Variants in MAP3K9 observed in about 807,000 individuals in gnomAD.
MAP3K9 encodes mixed lineage kinase 1 (tyr and ser/thr specificity).
Under a neutral mutation model 95.8 loss-of-function variants are expected in MAP3K9, and 46 were observed. The ratio of observed to expected loss-of-function variants is 0.48; its 90% CI spans 0.38 to 0.61. MAP3K9 has a LOEUF of 0.61. Among genes scored for constraint, MAP3K9 ranks in the 20% least tolerant of loss-of-function variants. The pLI is 0.00. For synonymous variants in MAP3K9, 533 were observed against 593.8 expected, an observed-to-expected ratio of 0.90 and a Z score of 1.49; for missense variants, 1,296 against 1,474.3, an observed-to-expected ratio of 0.88 and a Z score of 1.98.
chr14:70,722,962 G>A lies in MAP3K9; in HGVS notation c.*7418C>T, dbSNP rs2053773190. On this transcript the variant is annotated 3_prime_UTR_variant, in exon 12 of 12. Coordinates refer to ENST00000554752, the MANE Select transcript of MAP3K9 (RefSeq NM_001284230.2). ...AAAATCCCAAAGAAAGCTTTTCTGT[G>A]AACTAAGTAAAACCCATCTCCAATT... 1 of 152,112 alleles carries A rather than the reference G, an allele frequency of 6.6e-6. No individual in the cohort carries two copies. Among genetic ancestry groups the A allele is most frequent in the Non-Finnish European group, 1.5e-5 (1 of 68,034 alleles). 9.4% of individuals were successfully genotyped at this position (152,112 alleles called of 1,614,324 possible). A position where few individuals can be genotyped will look rare whatever the true frequency, so the allele number is the denominator to read the frequency against.
chr14:70,770,353 T>A (rs1442738820), intron 2 of MAP3K9, among the ~76,000 whole-genome samples: 2 of 152,142 alleles, frequency 1.3e-5, no homozygotes, highest in Non-Finnish European at 2.9e-5. Context: ...GATACTTTTT[T>A]TTTTATTTTT....
At chr14:70,773,148 A>G (rs541645702) in intron 2 of MAP3K9, among the ~76,000 whole-genome samples, 1 of 152,294 alleles carries the variant, frequency 6.6e-6, no homozygotes, top group Admixed American at 6.5e-5. Flanking sequence ...ACTGATCTCA[A>G]TGCTGCAACT....
rs148889344 is a variant in MAP3K9, at chr14:70,759,544, T to C, written c.1001+1458A>G. Reference sequence around the variant, plus strand: ...TATATCTATGTCCCAATACCCAGAATCCTTATTTGAGTCATTATCTTCACT... The same window carrying C: ...TATATCTATGTCCCAATACCCAGAACCCTTATTTGAGTCATTATCTTCACT... On this transcript the variant is annotated intron_variant, in intron 3 of 11. Transcript: ENST00000554752. Among the ~76,000 whole-genome samples, 35 of 152,294 alleles carry C rather than the reference T, an allele frequency of 2.3e-4. No homozygotes were observed. In the East Asian group the frequency reaches 6.8e-3, roughly 29 times the overall value.
At chr14:70,765,304 T>G in intron 2 of MAP3K9, 1 of 389,850 alleles carries the variant, frequency 2.6e-6, no homozygotes, top group Non-Finnish European at 4.6e-6. Context: ...CACTCCAGCC[T>G]GGGTGACAGA....
intron 1 of MAP3K9, among the ~76,000 whole-genome samples, chr14:70,802,994 G>A (rs546974027): frequency 2.6e-5 from 4 of 152,176 alleles, no homozygotes; most frequent in Admixed American, 2.0e-4. Context: ...CCCATGAATG[G>A]CTTGGCACCC....
chr14:70,772,326 C>T lies in MAP3K9; in HGVS notation c.821-11144G>A, dbSNP rs921180000. ...TCCTTGGGGACTTAGGAGTCACTCC[C>T]TTTTGGTATAAAAGAGGAAACCAAA... On this transcript the variant is annotated intron_variant, in intron 2 of 11. Coordinates refer to ENST00000554752, the MANE Select transcript of MAP3K9 (RefSeq NM_001284230.2). Among the ~76,000 whole-genome samples, 8 of 152,258 alleles carry T rather than the reference C, an allele frequency of 5.3e-5. No homozygotes were observed. In the East Asian group the frequency reaches 1.2e-3, roughly 22 times the overall value.
intron 11 of MAP3K9, 61 bp from the exon 12 acceptor site, chr14:70,730,925 C>G: frequency 1.3e-6 from 2 of 1,501,002 alleles, no homozygotes; most frequent in Non-Finnish European, 1.8e-6. Flanking sequence ...GGTTAGATAT[C>G]CGCTACTCCC....
chr14:70,742,542 TTCTGCTGCAGTGCAGCCC>T lies in MAP3K9; in HGVS notation c.1358_1375del (p.Arg453_Lys459delinsGln). The T allele has an allele frequency of 6.2e-7, 1 of 1,614,234 alleles. No individual in the cohort carries two copies. Among genetic ancestry groups the T allele is most frequent in the South Asian group, 1.1e-5 (1 of 91,090 alleles). On this transcript the variant is annotated inframe_deletion, in exon 6 of 12. Transcript: ENST00000554752. ...ACGCCGCAGCAGTTCCTCCTGGTTC[TTCTGCTGCAGTGCAGCCC>T]GCGTCAGCTCCTCCTCCCAGGTGCG...
chr14:70,723,778 C>T lies in MAP3K9; in HGVS notation c.*6602G>A, dbSNP rs1222469288. 1 of 152,128 alleles carries T rather than the reference C, an allele frequency of 6.6e-6. No homozygotes were observed. Among genetic ancestry groups the T allele is most frequent in the African/African-American group, 2.4e-5 (1 of 41,422 alleles). 9.4% of individuals were successfully genotyped at this position (152,128 alleles called of 1,614,324 possible). On this transcript the variant is annotated 3_prime_UTR_variant, in exon 12 of 12. Transcript: ENST00000554752. The stretch of plus-strand genomic sequence containing the variant: ...TATGAATCACTAGGACAGCACCGCC[C>T]CCCACGTGGAAAAAAATTAATGATT...
chr14:70,731,566 A>G (rs1371597952), intron 11 of MAP3K9, among the ~76,000 whole-genome samples: 3 of 152,244 alleles, frequency 2.0e-5, no homozygotes, highest in Non-Finnish European at 1.5e-5. Context: ...TACAAAGCCT[A>G]AAATATTTAC....
At chr14:70,801,887 G>C (rs559472421) in intron 1 of MAP3K9, among the ~76,000 whole-genome samples, 1 of 152,260 alleles carries the variant, frequency 6.6e-6, no homozygotes, top group East Asian at 1.9e-4. Context: ...CGAAGTATAC[G>C]GTATATTAGG....
chr14:70,745,516 T>C (rs1219914605), intron 5 of MAP3K9, among the ~76,000 whole-genome samples: 1 of 152,118 alleles, frequency 6.6e-6, no homozygotes, highest in African/African-American at 2.4e-5. Flanking sequence ...GGCAGGCGGA[T>C]CACCTGAGAT....
Position 70,730,205 on chromosome 14 carries a change from G to A in MAP3K9, c.*175C>T, listed in dbSNP as rs2053874620. Reference sequence around the variant, plus strand: ...TGGACACGGGTAGAAAGGCCCTGCAGGGCAGGAGACCCTCTGAAGTGGCCC... The same window carrying A: ...TGGACACGGGTAGAAAGGCCCTGCAAGGCAGGAGACCCTCTGAAGTGGCCC... On this transcript the variant is annotated 3_prime_UTR_variant, in exon 12 of 12. Transcript: ENST00000554752. 3.2e-6 allele frequency: 3 copies of A among 932,442 alleles called. No homozygotes were observed. Among genetic ancestry groups the A allele is most frequent in the Admixed American group, 5.7e-5 (2 of 34,858 alleles). The allele number at this position is 932,442 out of a possible 1,614,324, so 57.8% of individuals were successfully genotyped here.
At chr14:70,759,937 T>C (rs2054348542) in intron 3 of MAP3K9, among the ~76,000 whole-genome samples, 1 of 151,982 alleles carries the variant, frequency 6.6e-6, no homozygotes. Context: ...AAACTTTTTG[T>C]AGAGATGGGG....
chr14:70,803,877 T>C (rs2054961077), intron 1 of MAP3K9, among the ~76,000 whole-genome samples: 2 of 152,206 alleles, frequency 1.3e-5, no homozygotes, highest in Non-Finnish European at 1.5e-5. Context: ...AAAAACTACA[T>C]TTCCCAGACT....
intron 2 of MAP3K9, among the ~76,000 whole-genome samples, chr14:70,789,557 T>C (rs2054784554): frequency 6.6e-6 from 1 of 152,154 alleles, no homozygotes; most frequent in Non-Finnish European, 1.5e-5. Context: ...ATTTTACGGA[T>C]GAGATTTCCT....
chr14:70,808,238 C>G (rs893386184), intron 1 of MAP3K9, among the ~76,000 whole-genome samples: 1 of 152,204 alleles, frequency 6.6e-6, no homozygotes, highest in Non-Finnish European at 1.5e-5. Context: ...GCAACTGAGC[C>G]TTGAGTTCAC....
At chr14:70,737,094 T>A (rs1464832563) in intron 8 of MAP3K9, among the ~76,000 whole-genome samples, 1 of 152,188 alleles carries the variant, frequency 6.6e-6, no homozygotes, top group Non-Finnish European at 1.5e-5. Context: ...CTGCTGGCTA[T>A]CCTCGCACTT....
chr14:70,724,331 T>TG lies in MAP3K9; in HGVS notation c.*6048dup, dbSNP rs2139680972. ...AGTTAAAAGCTCCTAGATGTTTCAT[T>TG]GCTGTAAGCCTACACACTCCTATTT... is the stretch of plus-strand genomic sequence containing the variant. On this transcript the variant is annotated 3_prime_UTR_variant, in exon 12 of 12. Transcript: ENST00000554752. The TG allele has an allele frequency of 6.6e-6, 1 of 152,270 alleles. No homozygotes were observed. The highest frequency in any genetic ancestry group is 1.9e-4 in the East Asian group (1 of 5,174). The allele number at this position is 152,270 out of a possible 1,614,324, so 9.4% of individuals were successfully genotyped here. A position where few individuals can be genotyped will look rare whatever the true frequency, so the allele number is the denominator to read the frequency against.
Sources: allele counts gnomAD v4.1 joint callset (sites outside exome capture counted in the v4.1 genomes callset), GRCh38; gene constraint gnomAD v4.1.1; transcripts MANE v1.5; gene names NCBI Gene and HGNC (gene_info 2026-07-23, HGNC 2026-07-21).